SLIT2: variants seen among roughly 807,000 people sequenced by gnomAD.
SLIT2 encodes slit homolog 2 protein.
Under a neutral mutation model 185.7 loss-of-function variants are expected in SLIT2, and 41 were observed. The ratio of observed to expected loss-of-function variants is 0.22; its 90% CI spans 0.17 to 0.29. SLIT2 has a LOEUF of 0.29. Among genes scored for constraint, SLIT2 ranks in the 10% least tolerant of loss-of-function variants. The pLI is 1.00. For synonymous variants in SLIT2, 693 were observed against 680.2 expected (o/e 1.02, Z -0.29); for missense variants, 1,571 against 1,909.0 (o/e 0.82, Z 3.30).
chr4:20,400,736 G>C (rs940126934), intron 4 of SLIT2, among the ~76,000 whole-genome samples: 1 of 151,716 alleles, frequency 6.6e-6, no homozygotes, highest in East Asian at 1.9e-4. Context: ...GGCATTTAAT[G>C]ATCAGTTAAA....
At chr4:20,517,699 T>C (rs1013791220) in intron 11 of SLIT2, among the ~76,000 whole-genome samples, 4 of 152,118 alleles carry the variant, frequency 2.6e-5, no homozygotes, top group African/African-American at 9.7e-5. Context: ...AGCACCCGGC[T>C]TTATTTATTC....
At chr4:20,322,823 A>G (rs1214889824) in intron 4 of SLIT2, among the ~76,000 whole-genome samples, 1 of 152,150 alleles carries the variant, frequency 6.6e-6, no homozygotes, top group Non-Finnish European at 1.5e-5. Context: ...AGGACTACAG[A>G]GACTAATGGT....
intron 4 of SLIT2, among the ~76,000 whole-genome samples, chr4:20,415,263 T>C (rs889785993): frequency 1.3e-5 from 2 of 151,954 alleles, no homozygotes; most frequent in African/African-American, 4.8e-5. Flanking sequence ...TACAAAAAAT[T>C]AGCTGGGCGT....
rs529257090 is a variant in SLIT2 at position 20,385,697 on chromosome 4, G to T, written c.396-82055G>T. On this transcript the variant is annotated intron_variant, in intron 4 of 36. Transcript: ENST00000504154. ...ACCCAAGAGCACATACCAGCACTTA[G>T]GAACTTCTTAATTAAAATTCAGGAT... 2.6e-5 allele frequency among the ~76,000 whole-genome samples: 4 copies of T among 152,240 alleles called. No individual in the cohort carries two copies. In the East Asian group the frequency reaches 7.7e-4, roughly 29 times the overall value.
chr4:20,557,392 G>T (rs746640569), intron 26 of SLIT2, among the ~76,000 whole-genome samples: 12 of 151,974 alleles, frequency 7.9e-5, no homozygotes, highest in Admixed American at 1.3e-4. Context: ...GAAAATCCTA[G>T]AGCCCTTGAT....
At chr4:20,475,853 C>T (rs888853817) in intron 5 of SLIT2, among the ~76,000 whole-genome samples, 46 of 152,218 alleles carry the variant, frequency 3.0e-4, no homozygotes, top group African/African-American at 1.1e-3. Flanking sequence ...TCTGTTGCTT[C>T]TTCCCCCCAA....
intron 4 of SLIT2, among the ~76,000 whole-genome samples, chr4:20,441,773 A>T (rs1235794511): frequency 1.3e-5 from 2 of 152,114 alleles, no homozygotes; most frequent in African/African-American, 4.8e-5. Context: ...TCCCTTGTAG[A>T]TTATCAAACA....
rs182081682 is a variant in SLIT2, at chr4:20,375,519, C to T, written c.396-92233C>T. On this transcript the variant is annotated intron_variant, in intron 4 of 36. Coordinates refer to ENST00000504154, the MANE Select transcript of SLIT2 (RefSeq NM_004787.4). The stretch of plus-strand genomic sequence containing the variant: ...AGAGTATTTTATCTAAGTCGTATCA[C>T]TTGAAGAGCAAGGGTTAGTAGAACT... 1.0e-3 allele frequency among the ~76,000 whole-genome samples: 152 copies of T among 152,090 alleles called. 1 individual carries two copies. The highest frequency in any genetic ancestry group is 3.2e-3 in the African/African-American group (131 of 41,530).
At chr4:20,545,277 A>T (rs1723147767) in intron 21 of SLIT2, among the ~76,000 whole-genome samples, 1 of 152,030 alleles carries the variant, frequency 6.6e-6, no homozygotes, top group African/African-American at 2.4e-5. Context: ...CGTTCTAGGA[A>T]AAACAGCCTT....
chr4:20,545,605 A>T (rs1314659488), intron 21 of SLIT2, among the ~76,000 whole-genome samples: 1 of 152,094 alleles, frequency 6.6e-6, no homozygotes, highest in African/African-American at 2.4e-5. Flanking sequence ...TATGCCTTTA[A>T]TGTGTCCATT....
chr4:20,370,234 T>C (rs1202270241), intron 4 of SLIT2, among the ~76,000 whole-genome samples: 1 of 152,058 alleles, frequency 6.6e-6, no homozygotes, highest in Non-Finnish European at 1.5e-5. Context: ...TTTCAAAATA[T>C]AGAAAACTCC....
At chr4:20,285,763 G>T (rs1715206301) in intron 4 of SLIT2, among the ~76,000 whole-genome samples, 1 of 152,166 alleles carries the variant, frequency 6.6e-6, no homozygotes, top group Admixed American at 6.5e-5. Context: ...GCCCAGGCAG[G>T]TCTCAAACTC....
intron 29 of SLIT2, chr4:20,573,132 C>A (rs887524986): frequency 1.4e-6 from 1 of 690,234 alleles, no homozygotes; most frequent in South Asian, 1.5e-5. Flanking sequence ...GCTCGCCCAC[C>A]CCTGCTTCTC....
At chr4:20,502,363 TAAAAA>T in intron 9 of SLIT2, among the ~76,000 whole-genome samples, 1 of 152,166 alleles carries the variant, frequency 6.6e-6, no homozygotes, top group South Asian at 2.1e-4. Context: ...AGTGGCGTTT[TAAAAA>T]AGTACTTCTA....
chr4:20,501,476 G>T (rs1409586880), intron 9 of SLIT2, among the ~76,000 whole-genome samples: 1 of 151,966 alleles, frequency 6.6e-6, no homozygotes, highest in African/African-American at 2.4e-5. Flanking sequence ...TAGAAGTGGG[G>T]TTTCACCTTG....
intron 4 of SLIT2, among the ~76,000 whole-genome samples, chr4:20,465,061 C>T (rs116018732): frequency 0.035 from 5,373 of 152,190 alleles, 111 homozygotes; most frequent in East Asian, 0.058. Flanking sequence ...TAGTCTAATG[C>T]ATCATTTTGC....
intron 4 of SLIT2, among the ~76,000 whole-genome samples, chr4:20,444,893 T>C (rs1711592550): frequency 1.3e-5 from 2 of 152,214 alleles, no homozygotes; most frequent in South Asian, 2.1e-4. Context: ...GCCCAATGCC[T>C]TTTTCTCTGT....
intron 4 of SLIT2, among the ~76,000 whole-genome samples, chr4:20,316,672 T>G (rs748947046): frequency 6.6e-6 from 1 of 151,620 alleles, no homozygotes; most frequent in Non-Finnish European, 1.5e-5. Context: ...ATATTTGTAG[T>G]GTATCTATAT....
In SLIT2 at chr4:20,253,015, G is replaced by A. The variant is rs1293008792; in HGVS notation, c.-801G>A. Among the ~76,000 whole-genome samples, 1 of 152,146 alleles carries A rather than the reference G, an allele frequency of 6.6e-6. No individual in the cohort carries two copies. Among genetic ancestry groups the A allele is most frequent in the East Asian group, 1.9e-4 (1 of 5,178 alleles). Reference sequence around the variant, plus strand: ...CCTTTTGTCTTTTCTGCGTGACCTCGGGGCAGGTCCTGGTGCAGAGCGTCG... The same window carrying A: ...CCTTTTGTCTTTTCTGCGTGACCTCAGGGCAGGTCCTGGTGCAGAGCGTCG... On this transcript the variant is annotated 5_prime_UTR_variant, in exon 1 of 37. Transcript: ENST00000504154.
Sources: gnomAD v4.1 joint callset for allele counts (sites outside exome capture counted in the v4.1 genomes callset) on GRCh38, gnomAD v4.1.1 for gene constraint, MANE v1.5 for transcripts, NCBI Gene and HGNC (gene_info 2026-07-23, HGNC 2026-07-21) for gene names.